The following RHCG variants were observed in gnomAD, a reference collection of about 807,000 sequenced individuals.
RHCG encodes the protein ammonium transporter Rh type C.
In RHCG, 39 loss-of-function variants were observed where a neutral mutation model predicts 55.3. That is an observed-to-expected ratio of 0.70 (90% CI 0.55 to 0.92). The LOEUF (loss-of-function observed/expected upper bound fraction) is 0.92, where lower values mean the gene tolerates loss of function less well. Ranked by LOEUF, RHCG falls within the 40% of genes least tolerant of loss-of-function variation. The pLI, the probability that RHCG is intolerant of heterozygous loss-of-function variation, is 0.00. For missense variants in RHCG, 635 were observed against 627.9 expected, an observed-to-expected ratio of 1.01 and a Z score of -0.12; for synonymous variants, 250 against 246.8, an observed-to-expected ratio of 1.01 and a Z score of -0.12.
Position 89,486,007 on chromosome 15 carries a change from G to T in RHCG, c.371+792C>A, listed in dbSNP as rs541215914. On this transcript the variant is annotated intron_variant, in intron 2 of 10. Coordinates refer to ENST00000268122, the MANE Select transcript of RHCG (RefSeq NM_016321.3). The stretch of plus-strand genomic sequence containing the variant: ...GGGTTGGGGAGGTGTGTTGAGGCTT[G>T]GAGGAGGTCACTGCAGAACAGAGGG... Among the ~76,000 whole-genome samples the T allele has an allele frequency of 3.3e-5, 5 of 152,314 alleles. No homozygotes were observed. The South Asian group carries it at 6.2e-4, about 19-fold the overall frequency.
In RHCG at chr15:89,483,121, G is replaced by A; in HGVS notation, c.468C>T (p.Phe156=). 1 of 1,607,920 alleles carries A rather than the reference G, an allele frequency of 6.2e-7. No homozygotes were observed. Among genetic ancestry groups the A allele is most frequent in the Non-Finnish European group, 8.5e-7 (1 of 1,174,792 alleles). ...VSPIQLLIMT[F]FQVTLFAVNE... ...TCACAGCGAAGAGGGTCACTTGGAAGAAAGTCATGATGAGCAGCTGAATGG... is the reference window on the plus strand; with the variant it reads ...TCACAGCGAAGAGGGTCACTTGGAAAAAAGTCATGATGAGCAGCTGAATGG... The change falls in exon 3 of 11, where the codon TTC becomes TTT. Residue 156 remains phenylalanine, a synonymous_variant. Transcript: ENST00000268122.
At chr15:89,475,108 G>A (rs1343018998) in intron 9 of RHCG, among the ~76,000 whole-genome samples, 1 of 99,682 alleles carries the variant, frequency 1.0e-5, no homozygotes, top group Non-Finnish European at 2.0e-5. Context: ...ATTCATTCCT[G>A]CCTGCCTGCC....
chr15:89,476,635 T>C, intron 9 of RHCG, 120 bp downstream of exon 9: 1 of 776,198 alleles, frequency 1.3e-6, no homozygotes, highest in Non-Finnish European at 2.3e-6. Context: ...AGTAGGGTAA[T>C]GTAGGCTCTG....
chr15:89,482,394 C>T (rs1381363167), intron 3 of RHCG, among the ~76,000 whole-genome samples: 1 of 152,168 alleles, frequency 6.6e-6, no homozygotes, highest in Non-Finnish European at 1.5e-5. Context: ...AAATGAATGA[C>T]TGAATTTAGG....
chr15:89,496,371 A>ATAG lies in RHCG; in HGVS notation c.171_173dup (p.Tyr58dup). ...GGCGGCGAGACTTACTTGGGTAGCG[A>ATAG]TAGTAGAATTCGTTCTCCATGTCGC... is the stretch of plus-strand genomic sequence containing the variant. On this transcript the variant is annotated inframe_insertion, in exon 1 of 11. Transcript: ENST00000268122. The ATAG allele has an allele frequency of 6.2e-7, 1 of 1,613,868 alleles. No homozygotes were observed. Among genetic ancestry groups the ATAG allele is most frequent in the East Asian group, 2.2e-5 (1 of 44,868 alleles).
At chr15:89,474,840 T>TCCTTCCTGCCTGCCTG (rs1567223956) in intron 9 of RHCG, among the ~76,000 whole-genome samples, 1 of 104,498 alleles carries the variant, frequency 9.6e-6, no homozygotes, top group Non-Finnish European at 1.9e-5. Flanking sequence ...CTGCCTGCCT[T>TCCTTCCTGCCTGCCTG]CCTTCCTGCC....
chr15:89,490,484 A>G (rs1961453883), intron 1 of RHCG, among the ~76,000 whole-genome samples: 1 of 152,214 alleles, frequency 6.6e-6, no homozygotes, highest in Non-Finnish European at 1.5e-5. Flanking sequence ...TTCATGTATG[A>G]TCGTGTTGCA....
In RHCG at chr15:89,494,632, C is replaced by A. The variant is rs1213263781; in HGVS notation, c.184+1729G>T. 2.0e-5 allele frequency among the ~76,000 whole-genome samples: 3 copies of A among 149,436 alleles called. 1 individual carries two copies. The South Asian group carries it at 6.3e-4, about 31-fold the overall frequency. On this transcript the variant is annotated intron_variant, in intron 1 of 10. Coordinates refer to ENST00000268122, the MANE Select transcript of RHCG (RefSeq NM_016321.3). ...GGGTCTCTCTCTCTCTCTCTCATTT[C>A]TTTCTTTTTTTTTTTTTTGAAAGGG...
At chr15:89,478,977 G>A (rs1364211008) in intron 5 of RHCG, among the ~76,000 whole-genome samples, 1 of 152,118 alleles carries the variant, frequency 6.6e-6, no homozygotes, top group East Asian at 1.9e-4. Flanking sequence ...GCCTGCACCT[G>A]CAGTCCCAGC....
At chr15:89,487,074 T>A in intron 1 of RHCG, 89 bp from the exon 2 acceptor site, 2 of 1,209,536 alleles carry the variant, frequency 1.7e-6, no homozygotes, top group Non-Finnish European at 2.2e-6. Context: ...GGGTAGCCCC[T>A]CAGTCTTCCC....
intron 1 of RHCG, among the ~76,000 whole-genome samples, chr15:89,491,740 C>T (rs540012019): frequency 6.6e-6 from 1 of 151,740 alleles, no homozygotes; most frequent in Non-Finnish European, 1.5e-5. Context: ...GCACTCCAGC[C>T]TGGGCAACAG....
rs147695231 is a variant in RHCG, at chr15:89,479,178, T to C, written c.837+144A>G. The C allele has an allele frequency of 2.9e-3, 2,118 of 734,522 alleles. 40 individuals carry two copies. In the African/African-American group the frequency reaches 0.05, roughly 17 times the overall value. 45.5% of individuals were successfully genotyped at this position (734,522 alleles called of 1,614,324 possible). On this transcript the variant is annotated intron_variant, in intron 5 of 10. Coordinates refer to ENST00000268122, the MANE Select transcript of RHCG (RefSeq NM_016321.3). ...TCTGGGTGCTGCTGAAAACTGGCCA[T>C]GTGCTCAAAACAAATCATTTCTCCC...
chr15:89,479,553 A>C (rs1961226594), intron 4 of RHCG, 65 bp from the exon 5 acceptor site: 12 of 1,441,584 alleles, frequency 8.3e-6, no homozygotes, highest in African/African-American at 1.4e-5. Context: ...CCCACAGCTC[A>C]GGCAGGCATC....
At chr15:89,488,158 G>A (rs921364669) in intron 1 of RHCG, among the ~76,000 whole-genome samples, 1 of 152,160 alleles carries the variant, frequency 6.6e-6, no homozygotes, top group African/African-American at 2.4e-5. Flanking sequence ...GAGCACCAAA[G>A]CAATTATGTG....
At chr15:89,474,320 T>A (rs1389079380) in intron 9 of RHCG, among the ~76,000 whole-genome samples, 4 of 152,246 alleles carry the variant, frequency 2.6e-5, no homozygotes, top group Non-Finnish European at 5.9e-5. Context: ...AGACATTCGT[T>A]ATGTGCATGA....
chr15:89,478,860 G>T (rs1274692437), intron 5 of RHCG, among the ~76,000 whole-genome samples: 1 of 152,166 alleles, frequency 6.6e-6, no homozygotes. Flanking sequence ...GGAGGCTGAG[G>T]TGGGTGGATC....
At chr15:89,485,542 G>A (rs993273623) in intron 2 of RHCG, among the ~76,000 whole-genome samples, 5 of 152,192 alleles carry the variant, frequency 3.3e-5, no homozygotes, top group Admixed American at 6.5e-5. Context: ...GCAGGGATTT[G>A]CCCTTTAAAG....
chr15:89,482,028 C>T (rs192192857), intron 3 of RHCG, among the ~76,000 whole-genome samples: 1 of 152,344 alleles, frequency 6.6e-6, no homozygotes, highest in African/African-American at 2.4e-5. Flanking sequence ...TCTCGAACTC[C>T]TGACTTCAGG....
chr15:89,479,405 TGATGGC>T lies in RHCG; in HGVS notation c.748_753del (p.Ala250_Ile251del). 1.9e-6 allele frequency: 3 copies of T among 1,614,182 alleles called. No homozygotes were observed. Among genetic ancestry groups the T allele is most frequent in the Non-Finnish European group, 2.5e-6 (3 of 1,180,036 alleles). ...CAGGCTGCCAAGGAGCAGTAGGTGT[TGATGGC>T]GGCTCGGTGCTGGCTGTCCCCATGG... is the stretch of plus-strand genomic sequence containing the variant. On this transcript the variant is annotated inframe_deletion, in exon 5 of 11. Coordinates refer to ENST00000268122, the MANE Select transcript of RHCG (RefSeq NM_016321.3).
Sources: allele counts gnomAD v4.1 joint callset (sites outside exome capture counted in the v4.1 genomes callset), GRCh38; gene constraint gnomAD v4.1.1; transcripts MANE v1.5; gene names NCBI Gene and HGNC (gene_info 2026-07-23, HGNC 2026-07-21).